The following ARHGAP44 variants were observed in gnomAD, a reference collection of about 807,000 sequenced individuals.
The protein encoded by ARHGAP44 is rho GTPase-activating protein 44.
ARHGAP44 carries 43 observed loss-of-function variants against 106.8 expected under a neutral mutation model. The observed-to-expected ratio is 0.40, with a 90% CI of 0.32 to 0.52. The LOEUF (loss-of-function observed/expected upper bound fraction) is 0.52. Among genes scored for constraint, ARHGAP44 ranks in the 20% least tolerant of loss-of-function variants. ARHGAP44 has a pLI of 0.48. For missense variants in ARHGAP44, 866 were observed against 1,050.5 expected (o/e 0.82, Z 2.43); for synonymous variants, 439 against 410.3 (o/e 1.07, Z -0.85).
chr17:12,806,966 A>G (rs2034293830), intron 1 of ARHGAP44, among the ~76,000 whole-genome samples: 2 of 152,126 alleles, frequency 1.3e-5, no homozygotes, highest in Non-Finnish European at 2.9e-5. Flanking sequence ...GTCTGGTTAG[A>G]GGTAAGTTTC....
At chr17:12,835,325 A>C (rs1013020714) in intron 1 of ARHGAP44, among the ~76,000 whole-genome samples, 3 of 152,198 alleles carry the variant, frequency 2.0e-5, no homozygotes, top group Non-Finnish European at 2.9e-5. Flanking sequence ...GCAGATGTGT[A>C]TGTAGGTACT....
chr17:12,876,303 G>T (rs1023983262), intron 1 of ARHGAP44, among the ~76,000 whole-genome samples: 1 of 152,080 alleles, frequency 6.6e-6, no homozygotes, highest in African/African-American at 2.4e-5. Context: ...AAAACCACAG[G>T]AAAGGCTTTT....
chr17:12,943,519 C>T, intron 8 of ARHGAP44, 69 bp from the exon 9 acceptor site: 1 of 1,483,344 alleles, frequency 6.7e-7, no homozygotes, highest in Non-Finnish European at 9.4e-7. Flanking sequence ...CTGCAAAATG[C>T]TTTGCATGCC....
intron 1 of ARHGAP44, among the ~76,000 whole-genome samples, chr17:12,888,789 C>T (rs533017434): frequency 3.4e-4 from 51 of 152,168 alleles, no homozygotes; most frequent in African/African-American, 1.2e-3. Context: ...TGGATATACA[C>T]TTAGGATTGT....
At chr17:12,985,450 AC>A (rs2039934877) in intron 20 of ARHGAP44, 1 of 151,974 alleles carries the variant, frequency 6.6e-6, no homozygotes, top group Non-Finnish European at 1.5e-5. Context: ...CCTCCACCAG[AC>A]TCCCCTCCCT....
At chr17:12,978,924 G>A (rs936711380) in intron 18 of ARHGAP44, among the ~76,000 whole-genome samples, 1 of 152,042 alleles carries the variant, frequency 6.6e-6, no homozygotes, top group South Asian at 2.1e-4. Context: ...CCTGACCTCA[G>A]GTGACCTGCC....
chr17:12,906,981 AAAG>A (rs1266134717), intron 3 of ARHGAP44, among the ~76,000 whole-genome samples: 2 of 152,076 alleles, frequency 1.3e-5, no homozygotes, highest in African/African-American at 4.8e-5. Context: ...GAAAAAAAGG[AAAG>A]AAGAAGAAAA....
At chr17:12,910,442 T>C (rs1238140018) in intron 4 of ARHGAP44, among the ~76,000 whole-genome samples, 1 of 105,146 alleles carries the variant, frequency 9.5e-6, no homozygotes. Flanking sequence ...TGGGCTTATG[T>C]AGCCTTTTTT....
intron 1 of ARHGAP44, among the ~76,000 whole-genome samples, chr17:12,868,109 C>T (rs983055864): frequency 1.6e-4 from 25 of 152,166 alleles, no homozygotes; most frequent in African/African-American, 5.8e-4. Flanking sequence ...AAGACTCTTT[C>T]CTCCTATTTC....
chr17:12,895,246 G>T (rs2037169819), intron 2 of ARHGAP44, among the ~76,000 whole-genome samples: 1 of 152,184 alleles, frequency 6.6e-6, no homozygotes, highest in African/African-American at 2.4e-5. Flanking sequence ...TGTTAGGAGA[G>T]AAGTTTTTTT....
At chr17:12,796,738 A>G (rs1340271528) in intron 1 of ARHGAP44, among the ~76,000 whole-genome samples, 1 of 151,210 alleles carries the variant, frequency 6.6e-6, no homozygotes, top group Non-Finnish European at 1.5e-5. Context: ...CTGGGACTAC[A>G]GGCACCTGCC....
intron 1 of ARHGAP44, among the ~76,000 whole-genome samples, chr17:12,846,260 T>G (rs1314387088): frequency 6.6e-6 from 1 of 152,212 alleles, no homozygotes; most frequent in Non-Finnish European, 1.5e-5. Flanking sequence ...CATAAACATG[T>G]TAACTTTTTT....
At chr17:12,854,417 A>G (rs2035846448) in intron 1 of ARHGAP44, among the ~76,000 whole-genome samples, 1 of 152,208 alleles carries the variant, frequency 6.6e-6, no homozygotes, top group Admixed American at 6.5e-5. Context: ...ATATTATGAC[A>G]GGTATGCAGA....
chr17:12,941,790 G>A (rs1032285069), intron 8 of ARHGAP44, among the ~76,000 whole-genome samples: 1 of 152,064 alleles, frequency 6.6e-6, no homozygotes, highest in African/African-American at 2.4e-5. Flanking sequence ...TAAGACTCAG[G>A]TTGTTTACCA....
At chr17:12,886,700 G>A (rs1411198191) in intron 1 of ARHGAP44, among the ~76,000 whole-genome samples, 1 of 151,736 alleles carries the variant, frequency 6.6e-6, no homozygotes, top group African/African-American at 2.4e-5. Flanking sequence ...AGGTTCCTTG[G>A]CATTTTCTAC....
intron 2 of ARHGAP44, among the ~76,000 whole-genome samples, chr17:12,896,005 A>C (rs1321860740): frequency 2.6e-5 from 4 of 151,810 alleles, no homozygotes; most frequent in African/African-American, 9.7e-5. Flanking sequence ...TTGCAAGGAC[A>C]GAAAATCAAA....
chr17:12,854,890 G>A lies in ARHGAP44; in HGVS notation c.54-40050G>A, dbSNP rs888775024. On this transcript the variant is annotated intron_variant, in intron 1 of 20. Coordinates refer to ENST00000379672, the MANE Select transcript of ARHGAP44 (RefSeq NM_014859.6). ...GCAGAATCGCTTGAACCCAGGAGGC[G>A]GAGGTTGCGGTGAGCCGAGATCATG... 2.6e-5 allele frequency among the ~76,000 whole-genome samples: 4 copies of A among 151,156 alleles called. No homozygotes were observed. In the East Asian group the frequency reaches 5.9e-4, roughly 22 times the overall value.
At position 12,983,842 on chromosome 17, in the gene ARHGAP44, C is replaced by T. The variant is rs77255701; in HGVS notation, c.1940-689C>T. Among the ~76,000 whole-genome samples, 712 of 152,142 alleles carry T rather than the reference C, an allele frequency of 4.7e-3. 8 individuals carry two copies. Among genetic ancestry groups the T allele is most frequent in the African/African-American group, 0.016 (680 of 41,510 alleles). The stretch of plus-strand genomic sequence containing the variant: ...AAACAACAAAAAAACCCCAGAAAAA[C>T]AACGAAAAATGCAGTCGATCCATAC... On this transcript the variant is annotated intron_variant, in intron 19 of 20. Transcript: ENST00000379672.
chr17:12,791,599 T>C (rs1362290867), intron 1 of ARHGAP44, among the ~76,000 whole-genome samples: 1 of 152,194 alleles, frequency 6.6e-6, no homozygotes, highest in Non-Finnish European at 1.5e-5. Context: ...TTCTTCTTTT[T>C]TTCAGGACCT....
Sources: gnomAD v4.1 joint callset for allele counts (sites outside exome capture counted in the v4.1 genomes callset) on GRCh38, gnomAD v4.1.1 for gene constraint, MANE v1.5 for transcripts, NCBI Gene and HGNC (gene_info 2026-07-23, HGNC 2026-07-21) for gene names.